FRMD4A: variants seen among roughly 807,000 people sequenced by gnomAD.
FRMD4A encodes the protein FERM domain-containing protein 4A.
FRMD4A carries 29 observed loss-of-function variants against 129.1 expected under a neutral mutation model. The observed-to-expected ratio is 0.22, with a 90% CI of 0.17 to 0.31. FRMD4A has a LOEUF of 0.31. Ranked by LOEUF, FRMD4A falls within the 10% of genes least tolerant of loss-of-function variation. The probability of loss-of-function intolerance (pLI) is 1.00; values close to 1 mark genes in which losing one functional copy is unlikely to be tolerated. For missense variants in FRMD4A, 1,272 were observed against 1,375.8 expected (o/e 0.92, Z 1.19); for synonymous variants, 634 against 571.6 (o/e 1.11, Z -1.56).
At chr10:14,286,927 G>A (rs142133990) in intron 2 of FRMD4A, among the ~76,000 whole-genome samples, 10 of 152,222 alleles carry the variant, frequency 6.6e-5, no homozygotes, top group African/African-American at 2.4e-4. Context: ...ACCAAAAGAA[G>A]TGAAATGGCA....
rs528380951 is a variant in FRMD4A at position 13,736,817 on chromosome 10, C to T, written c.759+1027G>A. ...GCATACCATCTCCTTTATTCTCCAC[C>T]GGGGGATCTGAATGATAGCACTCGC... On this transcript the variant is annotated intron_variant, in intron 12 of 24. Transcript: ENST00000357447. Among the ~76,000 whole-genome samples the T allele has an allele frequency of 2.7e-3, 406 of 152,306 alleles. 1 individual carries two copies. Among genetic ancestry groups the T allele is most frequent in the African/African-American group, 8.0e-3 (331 of 41,570 alleles).
chr10:13,743,006 A>G (rs1190197063), intron 9 of FRMD4A, among the ~76,000 whole-genome samples: 2 of 152,056 alleles, frequency 1.3e-5, no homozygotes, highest in South Asian at 2.1e-4. Context: ...TAATTTTAAT[A>G]CTCTGGAATT....
At position 13,656,620 on chromosome 10, in the gene FRMD4A, G is replaced by T; in HGVS notation, c.2953+16C>A. 7.2e-7 allele frequency: 1 copy of T among 1,390,612 alleles called. No homozygotes were observed. The highest frequency in any genetic ancestry group is 9.4e-7 in the Non-Finnish European group (1 of 1,064,564). The allele number at this position is 1,390,612 out of a possible 1,614,324, so 86.1% of individuals were successfully genotyped here. ...CCCTCAGGTCTTCCCGCGTGCACCT[G>T]GCCGCCCCCTCTCACCTGACGTGGC... On this transcript the variant is annotated intron_variant, in intron 22 of 24. Coordinates refer to ENST00000357447, the MANE Select transcript of FRMD4A (RefSeq NM_018027.5).
At chr10:13,822,592 C>T (rs559642477) in intron 3 of FRMD4A, among the ~76,000 whole-genome samples, 103 of 152,218 alleles carry the variant, frequency 6.8e-4, no homozygotes, top group African/African-American at 2.5e-3. Flanking sequence ...ACCTGGACAC[C>T]CTCTTGAGCT....
intron 2 of FRMD4A, among the ~76,000 whole-genome samples, chr10:13,954,760 C>T (rs887777609): frequency 2.6e-5 from 4 of 152,200 alleles, no homozygotes; most frequent in Non-Finnish European, 5.9e-5. Flanking sequence ...GCAGCACCTG[C>T]AGTTCATCTC....
rs115874564 is a variant in FRMD4A at position 14,121,475 on chromosome 10, T to G, written c.45+208583A>C. On this transcript the variant is annotated intron_variant, in intron 2 of 24. Coordinates refer to ENST00000357447, the MANE Select transcript of FRMD4A (RefSeq NM_018027.5). ...TTTGCATTTCTAACAAGCCACCAGGTGATGCTAATGTTGCTTATTCACACA... is the reference window on the plus strand; with the variant it reads ...TTTGCATTTCTAACAAGCCACCAGGGGATGCTAATGTTGCTTATTCACACA... 6.1e-3 allele frequency among the ~76,000 whole-genome samples: 931 copies of G among 152,270 alleles called. 8 individuals carry two copies. Among genetic ancestry groups the G allele is most frequent in the African/African-American group, 0.021 (865 of 41,562 alleles).
At chr10:13,973,099 C>T (rs370048626) in intron 2 of FRMD4A, among the ~76,000 whole-genome samples, 2 of 152,104 alleles carry the variant, frequency 1.3e-5, no homozygotes, top group Admixed American at 6.5e-5. Flanking sequence ...TTGATCTGAC[C>T]GATGGAAATA....
chr10:14,011,375 C>T (rs1266831535), intron 2 of FRMD4A, among the ~76,000 whole-genome samples: 2 of 152,038 alleles, frequency 1.3e-5, no homozygotes, highest in African/African-American at 4.8e-5. Context: ...CCTAAGGGGT[C>T]AAGGGAGGAG....
intron 2 of FRMD4A, among the ~76,000 whole-genome samples, chr10:14,278,991 T>G (rs12218808): frequency 0.18 from 27,310 of 151,984 alleles, 2,677 homozygotes; most frequent in Non-Finnish European, 0.22. Context: ...ATCACCTGGG[T>G]AAGGTATGGA....
At chr10:14,092,859 C>G (rs1216625317) in intron 2 of FRMD4A, among the ~76,000 whole-genome samples, 1 of 152,226 alleles carries the variant, frequency 6.6e-6, no homozygotes, top group Non-Finnish European at 1.5e-5. Context: ...ATGAGGTCAA[C>G]TGCTCTCCAG....
At chr10:14,268,317 T>C (rs1845048368) in intron 2 of FRMD4A, among the ~76,000 whole-genome samples, 1 of 152,226 alleles carries the variant, frequency 6.6e-6, no homozygotes, top group Non-Finnish European at 1.5e-5. Flanking sequence ...CTCAACATGA[T>C]AGGCCACTTG....
At chr10:13,823,200 C>T (rs2093654185) in intron 3 of FRMD4A, among the ~76,000 whole-genome samples, 2 of 152,148 alleles carry the variant, frequency 1.3e-5, no homozygotes, top group African/African-American at 4.8e-5. Flanking sequence ...ATGCAAAGTG[C>T]TCACAAGCCA....
At chr10:13,788,406 G>A (rs1326212296) in intron 5 of FRMD4A, among the ~76,000 whole-genome samples, 1 of 152,208 alleles carries the variant, frequency 6.6e-6, no homozygotes, top group Non-Finnish European at 1.5e-5. Flanking sequence ...CACAAAAAAT[G>A]CTCTTGCCCA....
intron 3 of FRMD4A, among the ~76,000 whole-genome samples, chr10:13,856,626 G>A (rs776771560): frequency 4.6e-5 from 7 of 152,114 alleles, no homozygotes; most frequent in Middle Eastern, 3.2e-3. Context: ...TCCAGGGCGC[G>A]GGGGTGTGGG....
At chr10:14,198,925 A>G (rs1842549482) in intron 2 of FRMD4A, among the ~76,000 whole-genome samples, 1 of 152,236 alleles carries the variant, frequency 6.6e-6, no homozygotes, top group Non-Finnish European at 1.5e-5. Context: ...ATGAGACACT[A>G]CATTCAAAGT....
chr10:13,719,799 G>A (rs1467050102), intron 12 of FRMD4A, among the ~76,000 whole-genome samples: 3 of 152,162 alleles, frequency 2.0e-5, no homozygotes, highest in East Asian at 1.9e-4. Flanking sequence ...AAGCAAAGAA[G>A]TCTAGATTAA....
chr10:14,055,462 AACACAC>A (rs71388155), intron 2 of FRMD4A, among the ~76,000 whole-genome samples: 80 of 77,506 alleles, frequency 1.0e-3, no homozygotes, highest in African/African-American at 3.6e-3. Flanking sequence ...CACACACACA[AACACAC>A]ACACACACAC....
intron 2 of FRMD4A, among the ~76,000 whole-genome samples, chr10:14,036,446 G>C (rs1207105725): frequency 6.6e-6 from 1 of 152,216 alleles, no homozygotes; most frequent in Non-Finnish European, 1.5e-5. Flanking sequence ...CCTGTTCGGA[G>C]TCTGCAGAAA....
At chr10:14,029,462 T>C (rs1209448601) in intron 2 of FRMD4A, among the ~76,000 whole-genome samples, 4 of 152,206 alleles carry the variant, frequency 2.6e-5, no homozygotes, top group African/African-American at 9.7e-5. Flanking sequence ...ATTCAGTTCA[T>C]ATCAACCAAT....
Sources: gnomAD v4.1 joint callset for allele counts (sites outside exome capture counted in the v4.1 genomes callset) on GRCh38, gnomAD v4.1.1 for gene constraint, MANE v1.5 for transcripts, NCBI Gene and HGNC (gene_info 2026-07-23, HGNC 2026-07-21) for gene names.